The following CYP4F12 variants were observed in gnomAD, a reference collection of about 807,000 sequenced individuals.
The protein encoded by CYP4F12 is cytochrome P450 4F12.
A neutral mutation model predicts 56.5 loss-of-function variants in CYP4F12; 60 were observed. The observed-to-expected ratio is 1.06, with a 90% CI of 0.86 to 1.32. CYP4F12 has a LOEUF of 1.32. Among genes scored for constraint, CYP4F12 ranks in the 40% most tolerant of loss-of-function variants. The probability of loss-of-function intolerance (pLI) is 0.00; values close to 1 mark genes in which losing one functional copy is unlikely to be tolerated. For synonymous variants in CYP4F12, 263 were observed against 264.9 expected (o/e 0.99, Z 0.07); for missense variants, 711 against 683.5 (o/e 1.04, Z -0.45).
intron 9 of CYP4F12, 116 bp downstream of exon 9, chr19:15,685,313 A>T: frequency 6.9e-7 from 1 of 1,457,872 alleles, no homozygotes; most frequent in South Asian, 1.4e-5. Flanking sequence ...GTGGGTATAA[A>T]AGCAGAGGAC....
intron 12 of CYP4F12, 123 bp from the exon 13 acceptor site, chr19:15,696,785 A>T: frequency 7.6e-7 from 1 of 1,319,944 alleles, no homozygotes; most frequent in Non-Finnish European, 1.0e-6. Context: ...AGGCACGCTT[A>T]GTCTTTCTCT....
chr19:15,684,551 A>G, intron 7 of CYP4F12: 1 of 422,190 alleles, frequency 2.4e-6, no homozygotes, highest in Non-Finnish European at 4.2e-6. Flanking sequence ...ATTATGCAGA[A>G]AAATGAAAAT....
In CYP4F12 at chr19:15,682,425, C is replaced by T. The variant is rs2285888; in HGVS notation, c.562C>T (p.Arg188Cys). Residue 188 changes from arginine (R) to cysteine (C), a missense_variant, in exon 6 of 13, where the codon CGT becomes TGT. Transcript: ENST00000550308. ...GCACCTGGCCTCAGAGGGCAGCAGTCGTCTGGACATGTTTGAGCACATCAG... is the reference window on the plus strand; with the variant it reads ...GCACCTGGCCTCAGAGGGCAGCAGTTGTCTGGACATGTTTGAGCACATCAG... ...WQHLASEGSS[R>C]LDMFEHISLM... The T allele has an allele frequency of 0.44, 713,192 of 1,612,730 alleles. 159,987 individuals are homozygous for T. The highest frequency in any genetic ancestry group is 0.52 in the Middle Eastern group (3,149 of 6,052).
chr19:15,692,812 G>A (rs1318116718), intron 9 of CYP4F12, among the ~76,000 whole-genome samples: 3 of 152,150 alleles, frequency 2.0e-5, no homozygotes, highest in African/African-American at 7.2e-5. Context: ...GGTGGTTCAT[G>A]ACTGTAATCC....
chr19:15,674,913 C>T (rs2006844360), intron 2 of CYP4F12, among the ~76,000 whole-genome samples: 1 of 152,210 alleles, frequency 6.6e-6, no homozygotes, highest in Admixed American at 6.5e-5. Flanking sequence ...TTCTCCACTG[C>T]TGGACTTGAA....
At chr19:15,687,105 G>A (rs112289182) in intron 9 of CYP4F12, among the ~76,000 whole-genome samples, 44,050 of 151,696 alleles carry the variant, frequency 0.29, 7,104 homozygotes, top group African/African-American at 0.42. Context: ...GTGAAACCCC[G>A]TCTCTACTAA....
chr19:15,677,532 C>A (rs1568414453), intron 2 of CYP4F12, among the ~76,000 whole-genome samples: 2 of 65,378 alleles, frequency 3.1e-5, no homozygotes, highest in Non-Finnish European at 3.1e-5. Context: ...TCATTCCTCT[C>A]CTCACTCGCT....
chr19:15,685,395 GGCT>G (rs2007552450), intron 9 of CYP4F12, among the ~76,000 whole-genome samples, 198 bp downstream of exon 9: 1 of 152,152 alleles, frequency 6.6e-6, no homozygotes, highest in Non-Finnish European at 1.5e-5. Context: ...GAAAGACCCG[GGCT>G]GCTAAGAGAA....
rs2007533671 is a variant in CYP4F12, at chr19:15,685,075, C to A, written c.993C>A (p.Asp331Glu). 2 of 1,613,728 alleles carry A rather than the reference C, an allele frequency of 1.2e-6. No homozygotes were observed. Among genetic ancestry groups the A allele is most frequent in the Admixed American group, 1.7e-5 (1 of 59,964 alleles). The change falls in exon 9 of 13, where the codon GAC (aspartate) becomes GAA (glutamate). Residue 331 changes from aspartate to glutamate, a missense_variant. Transcript: ENST00000550308. ...EADTFMFGGH[D>E]TTASGLSWVL... ...TACCTGGCTGCTCCTCAGGCCATGA[C>A]ACCACGGCCAGTGGCCTCTCCTGGG...
chr19:15,696,019 G>A lies in CYP4F12; in HGVS notation c.1199G>A (p.Arg400Gln), dbSNP rs757430082. 6.8e-6 allele frequency: 11 copies of A among 1,613,844 alleles called. No individual in the cohort carries two copies. Among genetic ancestry groups the A allele is most frequent in the Non-Finnish European group, 8.5e-6 (10 of 1,179,956 alleles). ...RLHPPAPFIS[R>Q]CCTQDIVLPD... ...CATCCCCCAGCTCCCTTCATCTCCC[G>A]ATGCTGCACCCAGGACATTGTTCTC... The change falls in exon 10 of 13, where the codon CGA (arginine) becomes CAA (glutamine). Residue 400 changes from arginine to glutamine, a missense_variant. Coordinates refer to ENST00000550308, the MANE Select transcript of CYP4F12 (RefSeq NM_023944.4).
Position 15,685,062 on chromosome 19 carries a change from C to T in CYP4F12, c.986-6C>T, listed in dbSNP as rs1339531671. On this transcript the variant is annotated splice_polypyrimidine_tract_variant and splice_region_variant and intron_variant, in intron 8 of 12. Transcript: ENST00000550308. ...CTGAAGCCAAGCTTACCTGGCTGCT[C>T]CTCAGGCCATGACACCACGGCCAGT... 6.2e-7 allele frequency: 1 copy of T among 1,612,726 alleles called. No individual in the cohort carries two copies. Among genetic ancestry groups the T allele is most frequent in the Non-Finnish European group, 8.5e-7 (1 of 1,179,180 alleles).
At chr19:15,690,740 T>C (rs2007831269) in intron 9 of CYP4F12, among the ~76,000 whole-genome samples, 1 of 152,162 alleles carries the variant, frequency 6.6e-6, no homozygotes, top group African/African-American at 2.4e-5. Flanking sequence ...AAAGCAATGA[T>C]GAGAACAGTT....
intron 5 of CYP4F12, 21 bp downstream of exon 5, chr19:15,680,540 G>A: frequency 6.2e-7 from 1 of 1,614,044 alleles, no homozygotes; most frequent in East Asian, 2.2e-5. Flanking sequence ...TGAAGTCTGG[G>A]TCCCAGATGG....
At position 15,673,665 on chromosome 19, in the gene CYP4F12, C is replaced by T. The variant is rs374442603; in HGVS notation, c.136C>T (p.Arg46Cys). 4.6e-5 allele frequency: 74 copies of T among 1,614,032 alleles called. No individual in the cohort carries two copies. The highest frequency in any genetic ancestry group is 2.5e-4 in the East Asian group (11 of 44,890). ...AWTYAFYNNCRRLQCFPQPPK... is the reference protein window; with the variant it reads ...AWTYAFYNNCCRLQCFPQPPK... ...GACCTATGCCTTCTATAACAACTGC[C>T]GCCGGCTCCAGTGTTTCCCACAGCC... The change falls in exon 2 of 13, where the codon CGC becomes TGC. Residue 46 changes from arginine to cysteine, a missense_variant. Transcript: ENST00000550308.
intron 5 of CYP4F12, chr19:15,681,187 C>A (rs2007280437): frequency 6.4e-6 from 1 of 157,436 alleles, no homozygotes; most frequent in South Asian, 1.9e-4. Flanking sequence ...AGAGTTATTA[C>A]ATCATCATTT....
At chr19:15,687,303 C>A (rs888424576) in intron 9 of CYP4F12, among the ~76,000 whole-genome samples, 2 of 151,510 alleles carry the variant, frequency 1.3e-5, no homozygotes, top group Non-Finnish European at 2.9e-5. Flanking sequence ...GAGCTTCCTT[C>A]TTAACTGTCA....
chr19:15,696,435 C>A lies in CYP4F12; in HGVS notation c.1320C>A (p.Tyr440Ter). 6.2e-7 allele frequency: 1 copy of A among 1,614,170 alleles called. No homozygotes were observed. The highest frequency in any genetic ancestry group is 8.5e-7 in the Non-Finnish European group (1 of 1,180,022). ...CTTCTTTGTCTCACCTGCAGGTCTA[C>A]GACCCCTTCCGCTTTGACCCAGAGA... ...NPTVWPDPEV[Y>*]DPFRFDPENS... The change falls in exon 12 of 13, where the codon TAC becomes TAA. Residue 440 changes from tyrosine to a stop codon, truncating the protein, a stop_gained. Coordinates refer to ENST00000550308, the MANE Select transcript of CYP4F12 (RefSeq NM_023944.4). LOFTEE classifies it high-confidence loss of function.
intron 9 of CYP4F12, among the ~76,000 whole-genome samples, chr19:15,693,265 C>G (rs975849399): frequency 6.6e-6 from 1 of 152,028 alleles, no homozygotes; most frequent in Non-Finnish European, 1.5e-5. Flanking sequence ...AAATTCTGAA[C>G]CAGATAATTG....
intron 9 of CYP4F12, among the ~76,000 whole-genome samples, chr19:15,694,692 GC>G (rs1437145947): frequency 6.6e-6 from 1 of 152,096 alleles, no homozygotes. Flanking sequence ...TCCTTCTCCT[GC>G]CTAATTGCCC....
Sources: gnomAD v4.1 joint callset for allele counts (sites outside exome capture counted in the v4.1 genomes callset) on GRCh38, gnomAD v4.1.1 for gene constraint, MANE v1.5 for transcripts, NCBI Gene and HGNC (gene_info 2026-07-23, HGNC 2026-07-21) for gene names.